SMARCAL1: variants seen among roughly 807,000 people sequenced by gnomAD.
SMARCAL1 encodes the protein ATP-driven annealing helicase.
Under a neutral mutation model 94.5 loss-of-function variants are expected in SMARCAL1, and 58 were observed. That is an observed-to-expected ratio of 0.61 (90% CI 0.50 to 0.76). The LOEUF (loss-of-function observed/expected upper bound fraction) is 0.76, where lower values mean the gene tolerates loss of function less well. Among genes scored for constraint, SMARCAL1 ranks in the 30% least tolerant of loss-of-function variants. The pLI, the probability that SMARCAL1 is intolerant of heterozygous loss-of-function variation, is 0.00. For missense variants in SMARCAL1, 1,051 were observed against 1,177.9 expected, an observed-to-expected ratio of 0.89 and a Z score of 1.58; for synonymous variants, 422 against 455.1, an observed-to-expected ratio of 0.93 and a Z score of 0.93.
intron 14 of SMARCAL1, among the ~76,000 whole-genome samples, chr2:216,470,967 T>C (rs950655452): frequency 4.6e-5 from 7 of 151,726 alleles, no homozygotes; most frequent in Non-Finnish European, 1.0e-4. Flanking sequence ...ATACCAATAA[T>C]TAAAATTCAG....
chr2:216,428,575 T>A, intron 6 of SMARCAL1, 21 bp from the exon 7 acceptor site: 1 of 1,612,378 alleles, frequency 6.2e-7, no homozygotes, highest in Non-Finnish European at 8.5e-7. Flanking sequence ...CCAGCTCATA[T>A]GCTTCTGTTC....
chr2:216,470,880 C>A (rs114512969), intron 14 of SMARCAL1, among the ~76,000 whole-genome samples: 3,379 of 126,712 alleles, frequency 0.027, 50 homozygotes, highest in Middle Eastern at 0.067. Flanking sequence ...GGAGCGATAT[C>A]TAAACAACTA....
At chr2:216,446,551 G>A (rs1011213510) in intron 10 of SMARCAL1, 4 of 388,232 alleles carry the variant, frequency 1.0e-5, no homozygotes, top group Non-Finnish European at 2.1e-5. Context: ...CACTCTGGAG[G>A]AAGTTCAGAC....
Position 216,415,157 on chromosome 2 carries a change from A to T in SMARCAL1, c.453A>T (p.Ser151=). The change falls in exon 3 of 18, where the codon TCA becomes TCT. Residue 151 remains serine, a synonymous_variant. Transcript: ENST00000357276. The part of the protein sequence containing the change: ...YELGQGHAQA[S]PEIRFTPFAN... ...TAGGTCAAGGTCATGCTCAGGCTTC[A>T]CCTGAGATCAGGTTCACACCCTTTG... is the stretch of plus-strand genomic sequence containing the variant. 1 of 1,612,580 alleles carries T rather than the reference A, an allele frequency of 6.2e-7. No homozygotes were observed. Among genetic ancestry groups the T allele is most frequent in the Non-Finnish European group, 8.5e-7 (1 of 1,178,942 alleles).
chr2:216,415,304 G>A lies in SMARCAL1; in HGVS notation c.600G>A (p.Ser200=), dbSNP rs530505647. ...CCAAGACAGCAAAAGCCTCCCCTTCGGGGCAGAACATTTCTTACATCCATT... is the reference window on the plus strand; with the variant it reads ...CCAAGACAGCAAAAGCCTCCCCTTCAGGGCAGAACATTTCTTACATCCATT... ...LEAKTAKASP[S]GQNISYIHSS... is the part of the protein sequence containing the mutation. Residue 200 remains serine, a synonymous_variant, in exon 3 of 18, where the codon TCG becomes TCA. Transcript: ENST00000357276. 2.5e-5 allele frequency: 40 copies of A among 1,614,222 alleles called. No homozygotes were observed. The highest frequency in any genetic ancestry group is 2.0e-4 in the East Asian group (9 of 44,888).
intron 7 of SMARCAL1, among the ~76,000 whole-genome samples, chr2:216,430,793 G>T (rs1399285141): frequency 6.6e-6 from 1 of 152,214 alleles, no homozygotes; most frequent in African/African-American, 2.4e-5. Context: ...GCTCTCCATG[G>T]ATTCCGTTGC....
chr2:216,415,210 A>G lies in SMARCAL1; in HGVS notation c.506A>G (p.Lys169Arg), dbSNP rs777999697. 7.4e-6 allele frequency: 12 copies of G among 1,614,138 alleles called. No individual in the cohort carries two copies. The East Asian group carries it at 2.5e-4, about 33-fold the overall frequency. ...FANPTHKPLA[K>R]PKSSQETPAH... Reference sequence around the variant, plus strand: ...AACCCAACTCATAAGCCTCTGGCCAAACCAAAGAGTTCCCAAGAGACACCA... The same window carrying G: ...AACCCAACTCATAAGCCTCTGGCCAGACCAAAGAGTTCCCAAGAGACACCA... The change falls in exon 3 of 18, where the codon AAA (lysine) becomes AGA (arginine). Residue 169 changes from lysine to arginine, a missense_variant. This residue lies in a region of SMARCAL1 where 398 missense variants were observed against 395.2 expected (regional missense o/e 1.01). Coordinates refer to ENST00000357276, the MANE Select transcript of SMARCAL1 (RefSeq NM_014140.4).
chr2:216,438,724 C>T (rs1342883512), intron 10 of SMARCAL1, among the ~76,000 whole-genome samples: 2 of 152,066 alleles, frequency 1.3e-5, no homozygotes, highest in Non-Finnish European at 2.9e-5. Context: ...GTAGTGCTGC[C>T]TTTGTCTCTC....
At chr2:216,428,941 CA>C (rs1693900278) in intron 7 of SMARCAL1, among the ~76,000 whole-genome samples, 159 bp downstream of exon 7, 1 of 152,194 alleles carries the variant, frequency 6.6e-6, no homozygotes, top group African/African-American at 2.4e-5. Flanking sequence ...GTGCTGTTAC[CA>C]AAGCTTTATT....
At chr2:216,458,839 C>T (rs1189897323) in intron 12 of SMARCAL1, among the ~76,000 whole-genome samples, 1 of 152,110 alleles carries the variant, frequency 6.6e-6, no homozygotes, top group Non-Finnish European at 1.5e-5. Flanking sequence ...CCAGGGCAAT[C>T]AGGCAGGAGA....
intron 6 of SMARCAL1, among the ~76,000 whole-genome samples, chr2:216,424,656 A>AT (rs764106187): frequency 6.6e-6 from 1 of 151,624 alleles, no homozygotes. Flanking sequence ...ATAATTAAAC[A>AT]TTCTGGGTCC....
intron 12 of SMARCAL1, among the ~76,000 whole-genome samples, chr2:216,451,752 G>A (rs961796796): frequency 6.6e-6 from 1 of 152,266 alleles, no homozygotes; most frequent in Non-Finnish European, 1.5e-5. Context: ...TTTTATTTCT[G>A]TCTTTAGTGT....
rs1694152853 is a variant in SMARCAL1 at position 216,439,503 on chromosome 2, A to G, written c.1710+1018A>G. Among the ~76,000 whole-genome samples the G allele has an allele frequency of 1.3e-5, 2 of 152,194 alleles. 1 individual carries two copies. Among genetic ancestry groups the G allele is most frequent in the Admixed American group, 1.3e-4 (2 of 15,274 alleles). ...GTGTGTTTTTCTTGTGCTCAAAGCA[A>G]CCTTTGTGTTGTACCAGCATTTTAA... On this transcript the variant is annotated intron_variant, in intron 10 of 17. Transcript: ENST00000357276.
chr2:216,474,128 CTTTTTTTTTTTTTT>C (rs1182416023), intron 14 of SMARCAL1, among the ~76,000 whole-genome samples: 4 of 64,900 alleles, frequency 6.2e-5, no homozygotes, highest in Non-Finnish European at 8.6e-5. Flanking sequence ...GTATAGCATT[CTTTTTTTTTTTTTT>C]TTTTTTTTTT....
At chr2:216,436,616 G>T (rs141321024) in intron 9 of SMARCAL1, among the ~76,000 whole-genome samples, 2 of 152,300 alleles carry the variant, frequency 1.3e-5, no homozygotes, top group Non-Finnish European at 2.9e-5. Flanking sequence ...GTCATTTTTG[G>T]TTCGGCACAA....
At chr2:216,463,484 C>A (rs1257402325) in intron 12 of SMARCAL1, among the ~76,000 whole-genome samples, 1 of 152,112 alleles carries the variant, frequency 6.6e-6, no homozygotes, top group East Asian at 1.9e-4. Flanking sequence ...CCCACCACCA[C>A]TGCACTGGAA....
At chr2:216,433,020 G>T in intron 8 of SMARCAL1, 152 bp downstream of exon 8, 1 of 958,346 alleles carries the variant, frequency 1.0e-6, no homozygotes, top group East Asian at 2.5e-5. Flanking sequence ...TGCCACCTGA[G>T]GGCAGGCTGG....
rs752153044 is a variant in SMARCAL1, at chr2:216,478,274, C to T, written c.2600C>T (p.Thr867Ile). 7 of 1,613,698 alleles carry T rather than the reference C, an allele frequency of 4.3e-6. No individual in the cohort carries two copies. In the Admixed American group the frequency reaches 1.2e-4, roughly 27 times the overall value. Residue 867 changes from threonine (T) to isoleucine (I), a missense_variant, in exon 17 of 18, where the codon ACA becomes ATA. By Grantham distance (89) the Thr-to-Ile change is moderately conservative. Around this residue, in one of 3 missense-constraint regions of SMARCAL1, gnomAD observed 642 missense variants for 754.7 expected, o/e 0.85. Coordinates refer to ENST00000357276, the MANE Select transcript of SMARCAL1 (RefSeq NM_014140.4). ...GLSETNFSEMTESTDYLYKDP... is the reference protein window; with the variant it reads ...GLSETNFSEMIESTDYLYKDP... ...TCTGAGACCAATTTTTCAGAAATGA[C>T]AGAATCCACTGATTACCTCTACAAG...
chr2:216,449,998 G>A (rs999915435), intron 11 of SMARCAL1, among the ~76,000 whole-genome samples: 10 of 152,006 alleles, frequency 6.6e-5, no homozygotes, highest in African/African-American at 9.7e-5. Flanking sequence ...CTACCACGCC[G>A]GCTAATTTTT....
Sources: allele counts gnomAD v4.1 joint callset (sites outside exome capture counted in the v4.1 genomes callset), GRCh38; gene constraint gnomAD v4.1.1; regional missense constraint gnomAD v4.1.1; transcripts MANE v1.5; gene names NCBI Gene and HGNC (gene_info 2026-07-23, HGNC 2026-07-21).